ETV1: variants seen among roughly 807,000 people sequenced by gnomAD.
ETV1 encodes the protein ETS variant transcription factor 1.
In ETV1, 27 loss-of-function variants were observed where a neutral mutation model predicts 62.3. The ratio of observed to expected loss-of-function variants is 0.43; its 90% CI spans 0.32 to 0.60. The LOEUF is 0.60. Ranked by LOEUF, ETV1 falls within the 20% of genes least tolerant of loss-of-function variation. The probability of loss-of-function intolerance (pLI) is 0.06; values close to 1 mark genes in which losing one functional copy is unlikely to be tolerated. For synonymous variants in ETV1, 222 were observed against 199.6 expected, an observed-to-expected ratio of 1.11 and a Z score of -0.94; for missense variants, 605 against 605.8, an observed-to-expected ratio of 1.00 and a Z score of 0.01.
intron 5 of ETV1, among the ~76,000 whole-genome samples, chr7:13,982,326 A>G (rs534272503): frequency 6.6e-6 from 1 of 152,214 alleles, no homozygotes; most frequent in East Asian, 1.9e-4. Context: ...TACAAAATGT[A>G]ACAAACTGCA....
chr7:13,903,796 A>T (rs114625408), intron 12 of ETV1, among the ~76,000 whole-genome samples: 118 of 152,036 alleles, frequency 7.8e-4, no homozygotes, highest in African/African-American at 2.5e-3. Flanking sequence ...GTTTCCTGGA[A>T]CAATTCCCTA....
At chr7:13,906,061 A>T (rs1782923419) in intron 12 of ETV1, 1 of 166,688 alleles carries the variant, frequency 6.0e-6, no homozygotes, top group Non-Finnish European at 1.3e-5. Context: ...TCCCCCAACC[A>T]GTTGACTTTT....
intron 9 of ETV1, among the ~76,000 whole-genome samples, chr7:13,916,095 A>T (rs963629302): frequency 6.6e-6 from 1 of 152,192 alleles, no homozygotes; most frequent in African/African-American, 2.4e-5. Context: ...GAAGGCAGCA[A>T]AGCTGGAGAA....
chr7:13,912,623 C>T (rs1783673916), intron 9 of ETV1, among the ~76,000 whole-genome samples: 2 of 152,108 alleles, frequency 1.3e-5, no homozygotes, highest in East Asian at 3.9e-4. Flanking sequence ...ATATGGAATA[C>T]GACTGTGTTT....
upstream of ETV1, chr7:13,991,337 A>C (rs551618803): frequency 1.3e-5 from 2 of 152,434 alleles, no homozygotes; most frequent in African/African-American, 4.8e-5. Flanking sequence ...CCTTCTCTGC[A>C]GCCCGAGCCT....
At chr7:13,915,964 T>C (rs1784110107) in intron 9 of ETV1, among the ~76,000 whole-genome samples, 1 of 152,204 alleles carries the variant, frequency 6.6e-6, no homozygotes, top group Non-Finnish European at 1.5e-5. Flanking sequence ...GAATGTAACA[T>C]CTTAGTTACT....
chr7:13,921,840 G>A (rs770844931), intron 9 of ETV1, among the ~76,000 whole-genome samples: 8 of 152,244 alleles, frequency 5.3e-5, no homozygotes, highest in Middle Eastern at 3.4e-3. Flanking sequence ...AAGAGTGAAC[G>A]TATACCGAAT....
intron 5 of ETV1, among the ~76,000 whole-genome samples, chr7:13,980,577 G>A (rs1781878768): frequency 6.6e-6 from 1 of 152,100 alleles, no homozygotes; most frequent in African/African-American, 2.4e-5. Flanking sequence ...GAAAGGAGAA[G>A]GGGAGAAAGT....
intron 6 of ETV1, among the ~76,000 whole-genome samples, chr7:13,961,984 T>A (rs1309832005): frequency 6.6e-6 from 1 of 152,098 alleles, no homozygotes; most frequent in Non-Finnish European, 1.5e-5. Flanking sequence ...GTAGACATTA[T>A]TTATGAGTAT....
intron 6 of ETV1, among the ~76,000 whole-genome samples, chr7:13,973,339 A>T (rs1781087795): frequency 6.6e-6 from 1 of 152,166 alleles, no homozygotes; most frequent in Non-Finnish European, 1.5e-5. Flanking sequence ...GGCCACACAG[A>T]GGGGATGCAG....
intron 5 of ETV1, among the ~76,000 whole-genome samples, chr7:13,984,929 T>TAAAAAA (rs67286902): frequency 4.4e-4 from 65 of 148,982 alleles, no homozygotes; most frequent in Middle Eastern, 3.4e-3. Flanking sequence ...AGTCAAAAGT[T>TAAAAAA]AAAAAAAAAG....
chr7:13,900,490 C>G, intron 13 of ETV1: 1 of 372,324 alleles, frequency 2.7e-6, no homozygotes, highest in Non-Finnish European at 4.7e-6. Context: ...TCTTTTTTAA[C>G]CATGTGCAGC....
At chr7:13,956,597 C>T (rs1390635596) in intron 6 of ETV1, among the ~76,000 whole-genome samples, 5 of 152,112 alleles carry the variant, frequency 3.3e-5, no homozygotes, top group Admixed American at 2.6e-4. Context: ...AAATGTAGAG[C>T]GTAACTAGGT....
intron 6 of ETV1, among the ~76,000 whole-genome samples, chr7:13,969,197 C>G (rs1484858736): frequency 1.3e-5 from 2 of 151,990 alleles, no homozygotes; most frequent in African/African-American, 4.8e-5. Flanking sequence ...AGAATTGGTT[C>G]CAGTATAAAA....
intron 13 of ETV1, among the ~76,000 whole-genome samples, chr7:13,899,367 G>A (rs540597383): frequency 3.4e-4 from 52 of 152,282 alleles, no homozygotes; most frequent in Non-Finnish European, 1.0e-4. Flanking sequence ...GGAAGCAACT[G>A]AAAATCGAAG....
At chr7:13,988,595 G>GAAAA (rs34468165) in intron 3 of ETV1, 29 of 810,992 alleles carry the variant, frequency 3.6e-5, no homozygotes, top group East Asian at 1.9e-4. Context: ...GTAGAGAAAT[G>GAAAA]AAAAAAAAAA....
At chr7:13,988,929 C>A in intron 3 of ETV1, 79 bp downstream of exon 3, 1 of 1,463,470 alleles carries the variant, frequency 6.8e-7, no homozygotes, top group South Asian at 1.2e-5. Flanking sequence ...CCCGTGCCCC[C>A]TCCCTTCTCA....
chr7:13,989,823 C>G, upstream of ETV1: 1 of 383,194 alleles, frequency 2.6e-6, no homozygotes, highest in Non-Finnish European at 4.6e-6. Flanking sequence ...CCGCGGGTCT[C>G]CCTCGCCCCT....
chr7:13,939,260 C>T lies in ETV1; in HGVS notation c.236-14G>A, dbSNP rs368974107. 2.1e-5 allele frequency: 33 copies of T among 1,593,642 alleles called. No homozygotes were observed. The African/African-American group carries it at 2.3e-4, about 11-fold the overall frequency. Reference sequence around the variant, plus strand: ...CATGAAAAGCCACTAGAAAAAAGAACAAAAATATCCACAAAAATTAAATGC... The same window carrying T: ...CATGAAAAGCCACTAGAAAAAAGAATAAAAATATCCACAAAAATTAAATGC... On this transcript the variant is annotated splice_polypyrimidine_tract_variant and intron_variant, in intron 6 of 13. Transcript: ENST00000430479.
Sources: allele counts gnomAD v4.1 joint callset (sites outside exome capture counted in the v4.1 genomes callset), GRCh38; gene constraint gnomAD v4.1.1; transcripts MANE v1.5; gene names NCBI Gene and HGNC (gene_info 2026-07-23, HGNC 2026-07-21).